Variants in SMAD9 observed in about 807,000 individuals in gnomAD.
The protein encoded by SMAD9 is MAD homolog 9.
A neutral mutation model predicts 46.1 loss-of-function variants in SMAD9; 36 were observed. The ratio of observed to expected loss-of-function variants is 0.78; its 90% CI spans 0.60 to 1.03. The LOEUF is 1.03. Among genes scored for constraint, SMAD9 ranks in the 50% least tolerant of loss-of-function variants. The pLI is 0.00. For synonymous variants in SMAD9, 245 were observed against 237.1 expected (o/e 1.03, Z -0.31); for missense variants, 572 against 599.8 (o/e 0.95, Z 0.48).
intron 1 of SMAD9, among the ~76,000 whole-genome samples, chr13:36,901,801 C>T (rs2138638738): frequency 6.6e-6 from 1 of 152,290 alleles, no homozygotes; most frequent in East Asian, 1.9e-4. Context: ...TGTATGTCTT[C>T]TTTGGAAAAA....
intron 5 of SMAD9, among the ~76,000 whole-genome samples, chr13:36,857,623 C>T (rs1425365423): frequency 6.6e-6 from 1 of 151,930 alleles, no homozygotes; most frequent in Non-Finnish European, 1.5e-5. Flanking sequence ...CCTTGAATGA[C>T]AGGAAATGAC....
At chr13:36,905,093 GGTT>G (rs944422975) in intron 1 of SMAD9, among the ~76,000 whole-genome samples, 2 of 152,138 alleles carry the variant, frequency 1.3e-5, no homozygotes, top group African/African-American at 4.8e-5. Context: ...AGAAATTTTT[GGTT>G]GTTGTAACTG....
chr13:36,882,406 C>T (rs1401378571), intron 1 of SMAD9, among the ~76,000 whole-genome samples: 1 of 152,168 alleles, frequency 6.6e-6, no homozygotes, highest in Non-Finnish European at 1.5e-5. Flanking sequence ...GATGAGTGAC[C>T]TTCAGTGGCC....
chr13:36,876,862 T>C (rs1032416906), intron 2 of SMAD9, among the ~76,000 whole-genome samples: 43 of 152,182 alleles, frequency 2.8e-4, no homozygotes, highest in African/African-American at 2.2e-4. Flanking sequence ...ACTTTAAATA[T>C]GGATAGCTAA....
intron 6 of SMAD9, chr13:36,851,857 G>A (rs1008405884): frequency 4.2e-5 from 41 of 978,856 alleles, no homozygotes; most frequent in Admixed American, 6.2e-5. Context: ...TCTGAGAAAT[G>A]TATCTAGTTA....
chr13:36,879,719 G>C lies in SMAD9; in HGVS notation c.-30C>G. The stretch of plus-strand genomic sequence containing the variant: ...GGCCACAGCAGGCTCCGGCGCGCAC[G>C]GGAACCGCACAGCCCTTCACGGCAA... On this transcript the variant is annotated 5_prime_UTR_variant, in exon 2 of 7. Coordinates refer to ENST00000379826, the MANE Select transcript of SMAD9 (RefSeq NM_001127217.3). 6.2e-7 allele frequency: 1 copy of C among 1,612,208 alleles called. No individual in the cohort carries two copies. The highest frequency in any genetic ancestry group is 8.5e-7 in the Non-Finnish European group (1 of 1,179,950).
chr13:36,899,374 C>T (rs1034539031), intron 1 of SMAD9, among the ~76,000 whole-genome samples: 1 of 152,128 alleles, frequency 6.6e-6, no homozygotes, highest in Non-Finnish European at 1.5e-5. Context: ...GCCATTTTGA[C>T]CAAATTCCTA....
rs972961792 is a variant in SMAD9 at position 36,845,872 on chromosome 13, T to G, written c.*2804A>C. The stretch of plus-strand genomic sequence containing the variant: ...ACTGGTGATGATCATATGTGCCAAT[T>G]TAATAATTTATTTGTCACAGAAAAT... On this transcript the variant is annotated 3_prime_UTR_variant, in exon 7 of 7. Transcript: ENST00000379826. 1.3e-5 allele frequency: 2 copies of G among 152,170 alleles called. No individual in the cohort carries two copies. The highest frequency in any genetic ancestry group is 2.9e-5 in the Non-Finnish European group (2 of 68,022). 9.4% of individuals were successfully genotyped at this position (152,170 alleles called of 1,614,324 possible).
At chr13:36,862,686 T>C (rs1252407803) in intron 5 of SMAD9, among the ~76,000 whole-genome samples, 1 of 152,224 alleles carries the variant, frequency 6.6e-6, no homozygotes, top group Non-Finnish European at 1.5e-5. Flanking sequence ...TCTTTACCTC[T>C]CTAATAAACT....
intron 5 of SMAD9, among the ~76,000 whole-genome samples, chr13:36,858,074 G>C (rs1387328316): frequency 6.6e-6 from 1 of 152,108 alleles, no homozygotes; most frequent in African/African-American, 2.4e-5. Flanking sequence ...ACTGTAGAGC[G>C]ATAGATGAAA....
intron 1 of SMAD9, among the ~76,000 whole-genome samples, chr13:36,886,786 G>A (rs1355033021): frequency 3.3e-5 from 5 of 152,214 alleles, no homozygotes; most frequent in South Asian, 2.1e-4. Context: ...GAGATCAAGA[G>A]GACGAGAAAG....
intron 3 of SMAD9, among the ~76,000 whole-genome samples, chr13:36,871,342 A>AC (rs1593576863): frequency 6.6e-6 from 1 of 152,238 alleles, no homozygotes; most frequent in East Asian, 1.9e-4. Flanking sequence ...ACATGGTGAA[A>AC]CCCCGTCTCT....
At chr13:36,913,414 G>T (rs2138705841) in intron 1 of SMAD9, among the ~76,000 whole-genome samples, 1 of 152,212 alleles carries the variant, frequency 6.6e-6, no homozygotes, top group East Asian at 1.9e-4. Context: ...ATGGTTGAAT[G>T]AATATCCTAT....
chr13:36,905,716 T>C (rs1353942609), intron 1 of SMAD9, among the ~76,000 whole-genome samples: 1 of 130,320 alleles, frequency 7.7e-6, no homozygotes, highest in Non-Finnish European at 1.6e-5. Context: ...TCGAGACTCC[T>C]GTGAGCCGAG....
At chr13:36,907,219 G>GTTA (rs1173405343) in intron 1 of SMAD9, among the ~76,000 whole-genome samples, 1 of 152,144 alleles carries the variant, frequency 6.6e-6, no homozygotes, top group African/African-American at 2.4e-5. Flanking sequence ...TAGAATGAAG[G>GTTA]TTACCAGGTG....
chr13:36,863,517 G>A (rs2058203642), intron 5 of SMAD9, among the ~76,000 whole-genome samples: 1 of 152,050 alleles, frequency 6.6e-6, no homozygotes. Flanking sequence ...TGATATAATT[G>A]GGATATTTGA....
intron 1 of SMAD9, among the ~76,000 whole-genome samples, chr13:36,901,409 GCTT>G (rs893756818): frequency 3.3e-5 from 5 of 149,858 alleles, no homozygotes; most frequent in Admixed American, 6.7e-5. Context: ...TGTGGGTTTG[GCTT>G]CTTTTTTGTT....
At chr13:36,919,956 A>G (rs550375290) in intron 1 of SMAD9, among the ~76,000 whole-genome samples, 160 bp downstream of exon 1, 6 of 150,806 alleles carry the variant, frequency 4.0e-5, no homozygotes, top group African/African-American at 1.2e-4. Flanking sequence ...CCTCCACTCA[A>G]TGCGCTCACA....
chr13:36,879,159 C>CTCTG, intron 2 of SMAD9, 119 bp downstream of exon 2: 1 of 978,884 alleles, frequency 1.0e-6, no homozygotes, highest in Middle Eastern at 2.2e-4. Context: ...TCCCTCTCCT[C>CTCTG]TCTTCTCTCT....
Sources: allele counts gnomAD v4.1 joint callset (sites outside exome capture counted in the v4.1 genomes callset), GRCh38; gene constraint gnomAD v4.1.1; transcripts MANE v1.5; gene names NCBI Gene and HGNC (gene_info 2026-07-23, HGNC 2026-07-21).